The following MAGI2 variants were observed in gnomAD, a reference collection of about 807,000 sequenced individuals.
MAGI2 encodes membrane-associated guanylate kinase, WW and PDZ domain-containing protein 2.
In MAGI2, 35 loss-of-function variants were observed where a neutral mutation model predicts 133.3. That is an observed-to-expected ratio of 0.26 (90% CI 0.20 to 0.35). The LOEUF is 0.35. Among genes scored for constraint, MAGI2 ranks in the 10% least tolerant of loss-of-function variants. MAGI2 has a pLI of 1.00. For synonymous variants in MAGI2, 729 were observed against 710.6 expected (o/e 1.03, Z -0.41); for missense variants, 1,636 against 1,863.4 (o/e 0.88, Z 2.25).
chr7:78,932,542 T>G (rs1278732730), intron 2 of MAGI2, among the ~76,000 whole-genome samples: 2 of 151,834 alleles, frequency 1.3e-5, no homozygotes, highest in Non-Finnish European at 2.9e-5. Context: ...AAGCTAAAAT[T>G]AAGGTCTCAA....
chr7:78,745,166 A>C (rs1339950148), intron 2 of MAGI2, among the ~76,000 whole-genome samples: 1 of 152,218 alleles, frequency 6.6e-6, no homozygotes, highest in Admixed American at 6.5e-5. Flanking sequence ...CTTCTCATGC[A>C]TACTTCATAA....
intron 2 of MAGI2, among the ~76,000 whole-genome samples, chr7:78,657,600 G>T: frequency 6.6e-6 from 1 of 150,742 alleles, no homozygotes; most frequent in East Asian, 1.9e-4. Context: ...TATGGTATTT[G>T]GGAAAGGCAA....
chr7:78,982,893 A>G (rs949364376), intron 2 of MAGI2, among the ~76,000 whole-genome samples: 4 of 151,884 alleles, frequency 2.6e-5, no homozygotes, highest in African/African-American at 9.7e-5. Context: ...CTGTGAAAAA[A>G]AATTGTTTTA....
intron 9 of MAGI2, among the ~76,000 whole-genome samples, chr7:78,282,889 T>TTGAC (rs1795764373): frequency 6.6e-6 from 1 of 151,900 alleles, no homozygotes; most frequent in Admixed American, 6.6e-5. Context: ...CCTTCATGAT[T>TTGAC]TGACTGATGT....
chr7:78,665,905 A>T (rs1813517622), intron 2 of MAGI2, among the ~76,000 whole-genome samples: 2 of 152,154 alleles, frequency 1.3e-5, no homozygotes, highest in Admixed American at 1.3e-4. Flanking sequence ...TATGGAGCTT[A>T]CAGTTTAGTG....
intron 1 of MAGI2, among the ~76,000 whole-genome samples, chr7:79,392,776 C>T (rs1258908947): frequency 6.6e-6 from 1 of 152,078 alleles, no homozygotes; most frequent in African/African-American, 2.4e-5. Context: ...GGGCCTAATT[C>T]TGATTTTCCA....
intron 9 of MAGI2, among the ~76,000 whole-genome samples, chr7:78,261,486 T>C (rs1420765460): frequency 6.6e-6 from 1 of 152,150 alleles, no homozygotes; most frequent in Non-Finnish European, 1.5e-5. Context: ...GTTCCAAGAT[T>C]TCTCTACACT....
intron 1 of MAGI2, among the ~76,000 whole-genome samples, chr7:79,310,196 G>GAAAAAAAA (rs1838168417): frequency 2.5e-5 from 1 of 40,116 alleles, no homozygotes; most frequent in Non-Finnish European, 4.2e-5. Flanking sequence ...AAAAAAAAAA[G>GAAAAAAAA]AGAGAGAGAG....
At chr7:78,365,824 T>C (rs1305665389) in intron 7 of MAGI2, among the ~76,000 whole-genome samples, 1 of 152,242 alleles carries the variant, frequency 6.6e-6, no homozygotes, top group African/African-American at 2.4e-5. Context: ...TCTCTTCTGC[T>C]ATTGATTGTT....
At chr7:79,414,881 G>T (rs1331296780) in intron 1 of MAGI2, 9 of 152,010 alleles carry the variant, frequency 5.9e-5, no homozygotes, top group Admixed American at 5.9e-4. Context: ...CTAATTTTTA[G>T]TAGTGTAATT....
intron 1 of MAGI2, among the ~76,000 whole-genome samples, chr7:79,436,084 G>T (rs1848122875): frequency 6.6e-6 from 1 of 151,946 alleles, no homozygotes; most frequent in South Asian, 2.1e-4. Context: ...AATGAAAATG[G>T]ATCCCTATAT....
chr7:79,391,434 TAAAG>T (rs1844598170), intron 1 of MAGI2, among the ~76,000 whole-genome samples: 1 of 148,316 alleles, frequency 6.7e-6, no homozygotes, highest in African/African-American at 2.5e-5. Context: ...AAAAATCTGT[TAAAG>T]AAACGGTTAA....
intron 9 of MAGI2, among the ~76,000 whole-genome samples, chr7:78,289,601 A>AC (rs1296768769): frequency 1.3e-5 from 2 of 152,126 alleles, no homozygotes; most frequent in African/African-American, 4.8e-5. Context: ...TTCAGAGAAC[A>AC]CCACAAAGAT....
intron 1 of MAGI2, among the ~76,000 whole-genome samples, chr7:79,372,961 T>C (rs1221644270): frequency 6.6e-6 from 1 of 152,000 alleles, no homozygotes; most frequent in Non-Finnish European, 1.5e-5. Flanking sequence ...ACTCTTCTGG[T>C]TGAAGAGTTT....
intron 2 of MAGI2, among the ~76,000 whole-genome samples, chr7:78,924,640 A>G (rs892236102): frequency 7.3e-5 from 11 of 150,956 alleles, no homozygotes; most frequent in Admixed American, 2.0e-4. Flanking sequence ...CATCAAGGAT[A>G]TTGGTCTAAA....
At chr7:78,869,001 C>T (rs1475332468) in intron 2 of MAGI2, among the ~76,000 whole-genome samples, 1 of 152,194 alleles carries the variant, frequency 6.6e-6, no homozygotes, top group East Asian at 1.9e-4. Flanking sequence ...GATCCGCCCG[C>T]CTCGGCCTCC....
chr7:78,757,705 C>G (rs1824093276), intron 2 of MAGI2, among the ~76,000 whole-genome samples: 1 of 152,126 alleles, frequency 6.6e-6, no homozygotes, highest in African/African-American at 2.4e-5. Context: ...CTTCTTCCTC[C>G]TCTCATTCTG....
chr7:79,321,238 C>A (rs988866990), intron 1 of MAGI2, among the ~76,000 whole-genome samples: 8 of 152,110 alleles, frequency 5.3e-5, no homozygotes, highest in Admixed American at 4.6e-4. Flanking sequence ...ACTAATTTTT[C>A]ATTTCATAGC....
intron 2 of MAGI2, among the ~76,000 whole-genome samples, chr7:78,808,143 A>C (rs558370755): frequency 1.2e-4 from 19 of 152,360 alleles, no homozygotes; most frequent in Non-Finnish European, 2.2e-4. Flanking sequence ...TTATGGTTTA[A>C]ACAAGTGTTT....
Sources: allele counts gnomAD v4.1 joint callset (sites outside exome capture counted in the v4.1 genomes callset), GRCh38; gene constraint gnomAD v4.1.1; transcripts MANE v1.5; gene names NCBI Gene and HGNC (gene_info 2026-07-23, HGNC 2026-07-21).